Variants in VRK2 observed in about 807,000 individuals in gnomAD.
VRK2 encodes the protein serine/threonine-protein kinase VRK2.
Under a neutral mutation model 57.6 loss-of-function variants are expected in VRK2, and 60 were observed. The observed-to-expected ratio is 1.04, with a 90% CI of 0.85 to 1.29. The LOEUF (loss-of-function observed/expected upper bound fraction) is 1.29. Ranked by LOEUF, VRK2 falls within the 50% of genes most tolerant of loss-of-function variation. The pLI is 0.00. For synonymous variants in VRK2, 231 were observed against 199.2 expected (o/e 1.16, Z -1.35); for missense variants, 705 against 588.1 (o/e 1.20, Z -2.06).
chr2:58,080,732 A>G (rs1670742196), intron 2 of VRK2, among the ~76,000 whole-genome samples: 1 of 151,840 alleles, frequency 6.6e-6, no homozygotes, highest in Non-Finnish European at 1.5e-5. Context: ...GTTCCTCTGC[A>G]TCACTAGATT....
chr2:58,156,958 T>C (rs1310628870), intron 12 of VRK2, among the ~76,000 whole-genome samples: 3 of 152,298 alleles, frequency 2.0e-5, no homozygotes, highest in East Asian at 1.9e-4. Flanking sequence ...CCAGATTTTA[T>C]TGCATTCCTT....
chr2:58,036,940 T>C (rs941160281), intron 3 of VRK2, among the ~76,000 whole-genome samples: 1 of 152,086 alleles, frequency 6.6e-6, no homozygotes, highest in Non-Finnish European at 1.5e-5. Flanking sequence ...ATCTTAATTT[T>C]ATTAATTAAT....
intron 4 of VRK2, among the ~76,000 whole-genome samples, chr2:58,085,824 CTTTAT>C (rs1221765170): frequency 6.6e-6 from 1 of 151,206 alleles, no homozygotes; most frequent in African/African-American, 2.4e-5. Context: ...TGAAAGTTAA[CTTTAT>C]TTAAGTGGAT....
chr2:58,134,845 A>G (rs1679777179), intron 9 of VRK2, among the ~76,000 whole-genome samples: 1 of 152,066 alleles, frequency 6.6e-6, no homozygotes, highest in South Asian at 2.1e-4. Context: ...TCTCCTGTTA[A>G]CTGGTCTTTT....
intron 2 of VRK2, among the ~76,000 whole-genome samples, chr2:58,063,586 A>C (rs1017017837): frequency 3.9e-5 from 6 of 152,058 alleles, no homozygotes; most frequent in Non-Finnish European, 8.8e-5. Flanking sequence ...CTTTCAAAAC[A>C]TTACTGCTTG....
chr2:57,927,901 C>T (rs1670592275), intron 1 of VRK2, among the ~76,000 whole-genome samples: 1 of 152,144 alleles, frequency 6.6e-6, no homozygotes, highest in Non-Finnish European at 1.5e-5. Context: ...CACTAAAAGT[C>T]TGCTGCCAGA....
intron 12 of VRK2, among the ~76,000 whole-genome samples, chr2:58,156,579 G>GT (rs748318359): frequency 7.9e-5 from 11 of 139,124 alleles, no homozygotes; most frequent in Admixed American, 2.0e-4. Flanking sequence ...GGGTGGTGGT[G>GT]TTTTTTTTGT....
chr2:57,987,808 C>G (rs1234751141), intron 1 of VRK2, among the ~76,000 whole-genome samples: 3 of 152,036 alleles, frequency 2.0e-5, no homozygotes, highest in Non-Finnish European at 4.4e-5. Context: ...TAAAATACTG[C>G]TCAATGAAAA....
intron 6 of VRK2, 146 bp from the exon 7 acceptor site, chr2:58,089,485 T>C: frequency 2.1e-6 from 1 of 467,494 alleles, no homozygotes; most frequent in African/African-American, 2.0e-5. Flanking sequence ...ATGTGATATT[T>C]TAGAATAATT....
At chr2:58,115,428 G>A (rs1015643780) in intron 7 of VRK2, among the ~76,000 whole-genome samples, 4 of 148,742 alleles carry the variant, frequency 2.7e-5, no homozygotes, top group East Asian at 1.9e-4. Flanking sequence ...TGGAAGTTAC[G>A]AGAAATGTAG....
At chr2:57,926,302 G>C (rs1450753547) in intron 1 of VRK2, among the ~76,000 whole-genome samples, 1 of 151,754 alleles carries the variant, frequency 6.6e-6, no homozygotes, top group African/African-American at 2.4e-5. Flanking sequence ...TGGATGATCT[G>C]TCCAATGCTG....
At chr2:58,072,882 C>T (rs1382286451) in intron 2 of VRK2, among the ~76,000 whole-genome samples, 1 of 151,694 alleles carries the variant, frequency 6.6e-6, no homozygotes, top group Non-Finnish European at 1.5e-5. Flanking sequence ...CCATCTAGGC[C>T]CACCCATCTA....
At chr2:58,012,359 C>G (rs1673439808) in intron 1 of VRK2, among the ~76,000 whole-genome samples, 1 of 152,100 alleles carries the variant, frequency 6.6e-6, no homozygotes, top group Non-Finnish European at 1.5e-5. Flanking sequence ...ATCCAAGAAC[C>G]CTCTCTTGGG....
chr2:58,132,137 A>G, intron 9 of VRK2: 1 of 545,912 alleles, frequency 1.8e-6, no homozygotes, highest in Non-Finnish European at 3.1e-6. Flanking sequence ...TATTTGAATT[A>G]CAGTGCAAAA....
At position 57,992,336 on chromosome 2, in the gene VRK2, T is replaced by C. The variant is rs541751298; in HGVS notation, c.-438-33329T>C. 4.6e-5 allele frequency among the ~76,000 whole-genome samples: 7 copies of C among 152,244 alleles called. No homozygotes were observed. In the South Asian group the frequency reaches 1.5e-3, roughly 32 times the overall value. ...TCTCTAATTTTGAAAGCCTGATTAA[T>C]AGATAGTTTTATGGAGAAATGAGCA... On this transcript the variant is annotated intron_variant, in intron 1 of 15. Coordinates refer to the VRK2 transcript ENST00000417641.
intron 7 of VRK2, among the ~76,000 whole-genome samples, chr2:58,120,029 G>A (rs150563340): frequency 6.6e-6 from 1 of 151,798 alleles, no homozygotes; most frequent in Non-Finnish European, 1.5e-5. Context: ...TTGTTGGAGA[G>A]ATTTCTTTCT....
intron 12 of VRK2, among the ~76,000 whole-genome samples, chr2:58,158,410 T>A (rs183157980): frequency 6.3e-4 from 96 of 152,222 alleles, no homozygotes; most frequent in African/African-American, 2.2e-3. Context: ...ACATCCTTTG[T>A]TTTATGTAGG....
chr2:58,146,181 CTTGCTGCTTTCCTCT>C, intron 11 of VRK2, 120 bp from the exon 12 acceptor site: 1 of 744,848 alleles, frequency 1.3e-6, no homozygotes, highest in East Asian at 3.1e-5. Context: ...GTAATGTCCA[CTTGCTGCTTTCCTCT>C]TTATTTCCTT....
intron 12 of VRK2, among the ~76,000 whole-genome samples, chr2:58,146,771 A>T (rs1465072365): frequency 1.3e-5 from 2 of 151,504 alleles, no homozygotes; most frequent in Non-Finnish European, 2.9e-5. Context: ...GACTCAATGT[A>T]TTCTATACTT....
Sources: allele counts gnomAD v4.1 joint callset (sites outside exome capture counted in the v4.1 genomes callset), GRCh38; gene constraint gnomAD v4.1.1; transcripts MANE v1.5; gene names NCBI Gene and HGNC (gene_info 2026-07-23, HGNC 2026-07-21).